Variants in MPPED1 observed in about 807,000 individuals in gnomAD.
MPPED1 encodes metallophosphoesterase domain-containing protein 1.
Under a neutral mutation model 36.2 loss-of-function variants are expected in MPPED1, and 16 were observed. That is an observed-to-expected ratio of 0.44 (90% CI 0.30 to 0.67). The LOEUF (loss-of-function observed/expected upper bound fraction) is 0.67, where lower values mean the gene tolerates loss of function less well. Ranked by LOEUF, MPPED1 falls within the 30% of genes least tolerant of loss-of-function variation. The pLI, the probability that MPPED1 is intolerant of heterozygous loss-of-function variation, is 0.10. For synonymous variants in MPPED1, 199 were observed against 191.3 expected (o/e 1.04, Z -0.33); for missense variants, 307 against 453.4 (o/e 0.68, Z 2.93).
At chr22:43,470,696 A>G (rs953675181) in intron 3 of MPPED1, among the ~76,000 whole-genome samples, 1 of 152,206 alleles carries the variant, frequency 6.6e-6, no homozygotes, top group Non-Finnish European at 1.5e-5. Context: ...TGTAATTGTC[A>G]GTCATTTTGC....
intron 3 of MPPED1, among the ~76,000 whole-genome samples, chr22:43,454,082 C>T (rs1481598821): frequency 6.6e-6 from 1 of 152,248 alleles, no homozygotes; most frequent in East Asian, 1.9e-4. Context: ...GATCTAGGCT[C>T]ACTGCAGCCT....
chr22:43,465,943 T>G (rs1284479079), intron 3 of MPPED1, among the ~76,000 whole-genome samples: 2 of 152,160 alleles, frequency 1.3e-5, no homozygotes, highest in African/African-American at 4.8e-5. Flanking sequence ...CGTGTGTCCT[T>G]CCGGACTGCG....
chr22:43,458,776 A>G (rs181921594), intron 3 of MPPED1, among the ~76,000 whole-genome samples: 4 of 152,304 alleles, frequency 2.6e-5, no homozygotes, highest in African/African-American at 7.2e-5. Context: ...TAATTTCTCT[A>G]TTTTTAAAGG....
In MPPED1 at chr22:43,503,360, C is replaced by A. The variant is rs1259720432; in HGVS notation, c.862+603C>A. On this transcript the variant is annotated intron_variant, in intron 6 of 6. Transcript: ENST00000443721. Reference sequence around the variant, plus strand: ...GGCACAGATGCCTCTTTTTTTGCCCCTTTTGGATATTTATCCCACCTGCCC... The same window carrying A: ...GGCACAGATGCCTCTTTTTTTGCCCATTTTGGATATTTATCCCACCTGCCC... Among the ~76,000 whole-genome samples, 8 of 152,132 alleles carry A rather than the reference C, an allele frequency of 5.3e-5. No homozygotes were observed. In the East Asian group the frequency reaches 1.5e-3, roughly 29 times the overall value.
intron 4 of MPPED1, among the ~76,000 whole-genome samples, chr22:43,485,004 T>C (rs1296439640): frequency 2.6e-5 from 4 of 152,146 alleles, no homozygotes; most frequent in African/African-American, 9.7e-5. Flanking sequence ...GTGCTGCTTC[T>C]ACAAACGCAC....
chr22:43,412,500 T>A (rs1323494031), intron 1 of MPPED1, among the ~76,000 whole-genome samples: 1 of 151,954 alleles, frequency 6.6e-6, no homozygotes. Context: ...ATGATGATAG[T>A]GGTAACAATA....
At chr22:43,460,411 A>G (rs989792472) in intron 3 of MPPED1, among the ~76,000 whole-genome samples, 11 of 151,832 alleles carry the variant, frequency 7.2e-5, no homozygotes, top group Non-Finnish European at 1.6e-4. Context: ...GCTCACTGCA[A>G]TATCCGTCTC....
Position 43,497,126 on chromosome 22 carries a change from G to T in MPPED1, c.633-1109G>T, listed in dbSNP as rs1012747359. Among the ~76,000 whole-genome samples, 3 of 150,880 alleles carry T rather than the reference G, an allele frequency of 2.0e-5. No homozygotes were observed. The East Asian group carries it at 5.9e-4, about 30-fold the overall frequency. ...GGTGGTGATGGAGGTGGTGATGGACGTGGTGGTGGTGGAGGAGGTACTAGT... is the reference window on the plus strand; with the variant it reads ...GGTGGTGATGGAGGTGGTGATGGACTTGGTGGTGGTGGAGGAGGTACTAGT... On this transcript the variant is annotated intron_variant, in intron 4 of 6. Transcript: ENST00000443721.
At chr22:43,472,091 C>T (rs867129268) in intron 3 of MPPED1, among the ~76,000 whole-genome samples, 5 of 152,290 alleles carry the variant, frequency 3.3e-5, no homozygotes, top group Non-Finnish European at 7.4e-5. Context: ...GCCAGCTGGA[C>T]GCATTCATCC....
chr22:43,412,159 G>A lies in MPPED1; in HGVS notation c.-79+1G>A. 1 of 980,050 alleles carries A rather than the reference G, an allele frequency of 1.0e-6. No homozygotes were observed. Among genetic ancestry groups the A allele is most frequent in the Non-Finnish European group, 1.2e-6 (1 of 827,634 alleles). The allele number at this position is 980,050 out of a possible 1,614,324, so 60.7% of individuals were successfully genotyped here. ...CCGCCGAAGAGGAGCCCGGGGCCAG[G>A]TAGGACCGGAGGCGGGCGGGGCGCG... On this transcript the variant is annotated splice_donor_variant, in intron 1 of 6. Transcript: ENST00000443721. LOFTEE classifies it low-confidence loss of function (5UTR_SPLICE).
At chr22:43,432,841 G>A (rs71329191) in intron 2 of MPPED1, among the ~76,000 whole-genome samples, 1 of 57,550 alleles carries the variant, frequency 1.7e-5, no homozygotes, top group East Asian at 8.7e-4. Flanking sequence ...GAGAGAGAGA[G>A]AAAGGGAGGA....
chr22:43,431,304 A>G (rs548273149), intron 2 of MPPED1, among the ~76,000 whole-genome samples: 158 of 151,910 alleles, frequency 1.0e-3, no homozygotes, highest in Admixed American at 3.3e-3. Flanking sequence ...TGGCCTCCCA[A>G]AGTGCTGGGA....
intron 6 of MPPED1, among the ~76,000 whole-genome samples, chr22:43,504,955 G>A (rs888372977): frequency 1.6e-5 from 2 of 126,006 alleles, no homozygotes; most frequent in African/African-American, 2.5e-5. Flanking sequence ...TGGTGATGGC[G>A]ATGGTGGTGG....
chr22:43,505,538 T>C lies in MPPED1; in HGVS notation c.903T>C (p.Asn301=). The part of the protein sequence containing the change: ...VMADGTTTYV[N]ASVCTVNYQP... ...CAGATGGGACGACCACCTATGTGAA[T>C]GCGTCCGTATGCACTGTGAACTACC... The change falls in exon 7 of 7, where the codon AAT becomes AAC. Residue 301 remains asparagine, a synonymous_variant. Transcript: ENST00000443721. 1 of 1,612,464 alleles carries C rather than the reference T, an allele frequency of 6.2e-7. No individual in the cohort carries two copies. Among genetic ancestry groups the C allele is most frequent in the Non-Finnish European group, 8.5e-7 (1 of 1,179,362 alleles).
intron 2 of MPPED1, among the ~76,000 whole-genome samples, chr22:43,425,884 C>A (rs972524344): frequency 2.7e-4 from 41 of 152,354 alleles, no homozygotes; most frequent in African/African-American, 9.6e-4. Context: ...AGACTCAAGG[C>A]CCCCGTGAGC....
intron 3 of MPPED1, among the ~76,000 whole-genome samples, chr22:43,456,791 C>T (rs1316644147): frequency 2.6e-5 from 4 of 152,210 alleles, no homozygotes; most frequent in Admixed American, 2.0e-4. Flanking sequence ...CCACCGCACC[C>T]GGTGTGTGTG....
chr22:43,436,513 G>A (rs904374073), intron 3 of MPPED1, among the ~76,000 whole-genome samples: 3 of 152,258 alleles, frequency 2.0e-5, no homozygotes, highest in African/African-American at 4.8e-5. Flanking sequence ...TTTTTCAAAC[G>A]GGAAATTCTA....
At chr22:43,412,271 C>A in intron 1 of MPPED1, 113 bp downstream of exon 1, 2 of 677,978 alleles carry the variant, frequency 2.9e-6, no homozygotes, top group South Asian at 6.4e-5. Flanking sequence ...CGCAGGGGCG[C>A]CCGCAAAGTT....
At chr22:43,417,618 C>G (rs530820826) in intron 1 of MPPED1, 2 of 156,734 alleles carry the variant, frequency 1.3e-5, no homozygotes, top group East Asian at 1.9e-4. Flanking sequence ...CACCTTGGTA[C>G]TTTTCTGTTA....
Sources: gnomAD v4.1 joint callset for allele counts (sites outside exome capture counted in the v4.1 genomes callset) on GRCh38, gnomAD v4.1.1 for gene constraint, MANE v1.5 for transcripts, NCBI Gene and HGNC (gene_info 2026-07-23, HGNC 2026-07-21) for gene names.